Variants in ROBO2 observed in about 807,000 individuals in gnomAD.
ROBO2 encodes the protein roundabout homolog 2.
A neutral mutation model predicts 160.8 loss-of-function variants in ROBO2; 53 were observed. The ratio of observed to expected loss-of-function variants is 0.33; its 90% CI spans 0.26 to 0.41. The LOEUF (loss-of-function observed/expected upper bound fraction) is 0.41, where lower values mean the gene tolerates loss of function less well. ROBO2 is among the 10% of genes least tolerant of loss of function. The pLI is 1.00. For synonymous variants in ROBO2, 664 were observed against 611.7 expected (o/e 1.09, Z -1.26); for missense variants, 1,577 against 1,722.4 (o/e 0.92, Z 1.49).
intron 2 of ROBO2, among the ~76,000 whole-genome samples, chr3:76,771,893 C>T (rs1003187533): frequency 1.3e-5 from 2 of 151,204 alleles, no homozygotes; most frequent in Non-Finnish European, 3.0e-5. Flanking sequence ...GTATAAACTA[C>T]TGAGTACCAA....
chr3:76,544,558 C>G (rs2082992348), intron 2 of ROBO2, among the ~76,000 whole-genome samples: 1 of 151,848 alleles, frequency 6.6e-6, no homozygotes, highest in African/African-American at 2.4e-5. Flanking sequence ...TTATACATAC[C>G]AAATTATGAC....
chr3:76,158,037 C>T (rs2072475325), intron 2 of ROBO2, among the ~76,000 whole-genome samples: 1 of 152,130 alleles, frequency 6.6e-6, no homozygotes, highest in Non-Finnish European at 1.5e-5. Context: ...AAATATGTTA[C>T]TGGTCTCAGG....
At chr3:77,292,928 T>C (rs1351718618) in intron 2 of ROBO2, among the ~76,000 whole-genome samples, 2 of 144,908 alleles carry the variant, frequency 1.4e-5, no homozygotes, top group African/African-American at 5.2e-5. Flanking sequence ...AGACATAAAG[T>C]AAAATTGACG....
chr3:76,444,029 A>T (rs139907249), intron 2 of ROBO2, among the ~76,000 whole-genome samples: 1 of 152,028 alleles, frequency 6.6e-6, no homozygotes, highest in Non-Finnish European at 1.5e-5. Context: ...GCAGTGGCAC[A>T]ATCTTGGCTC....
chr3:77,225,994 T>C (rs2086453737), intron 2 of ROBO2, among the ~76,000 whole-genome samples: 1 of 152,028 alleles, frequency 6.6e-6, no homozygotes, highest in African/African-American at 2.4e-5. Flanking sequence ...TGTAAGCATA[T>C]GATATTACAC....
chr3:77,367,117 T>C (rs2071016636), intron 2 of ROBO2, among the ~76,000 whole-genome samples: 1 of 152,186 alleles, frequency 6.6e-6, no homozygotes, highest in Non-Finnish European at 1.5e-5. Flanking sequence ...TTTTGTGTCA[T>C]AATCCTGCTG....
chr3:77,030,256 G>T (rs6778244), intron 2 of ROBO2, among the ~76,000 whole-genome samples: 1 of 152,252 alleles, frequency 6.6e-6, no homozygotes, highest in African/African-American at 2.4e-5. Context: ...AGTACCATTC[G>T]GTTCTGAACT....
At chr3:77,523,721 T>C (rs1045267193) in intron 6 of ROBO2, among the ~76,000 whole-genome samples, 10 of 151,208 alleles carry the variant, frequency 6.6e-5, no homozygotes, top group African/African-American at 2.4e-4. Context: ...ACATTAGCCA[T>C]GGCATCATCT....
chr3:76,362,827 C>T (rs1343225214), intron 2 of ROBO2, among the ~76,000 whole-genome samples: 1 of 152,000 alleles, frequency 6.6e-6, no homozygotes, highest in East Asian at 1.9e-4. Context: ...CAACCACCGC[C>T]AAACTTCCTC....
intron 2 of ROBO2, among the ~76,000 whole-genome samples, chr3:76,137,672 C>G (rs1232251200): frequency 6.6e-6 from 1 of 151,426 alleles, no homozygotes; most frequent in African/African-American, 2.4e-5. Context: ...CAGAGTTGCT[C>G]TTCTTTCTGG....
At chr3:76,546,955 T>G (rs2083141001) in intron 2 of ROBO2, among the ~76,000 whole-genome samples, 1 of 151,944 alleles carries the variant, frequency 6.6e-6, no homozygotes, top group African/African-American at 2.4e-5. Flanking sequence ...GATTCACAGT[T>G]TTGAAAATTA....
At chr3:76,126,246 A>G (rs368426957) in intron 2 of ROBO2, among the ~76,000 whole-genome samples, 9 of 152,300 alleles carry the variant, frequency 5.9e-5, no homozygotes, top group Middle Eastern at 6.8e-3. Context: ...CATTAATTTG[A>G]GAGGAGTGTC....
upstream of ROBO2, among the ~76,000 whole-genome samples, chr3:77,038,440 T>A (rs1035168657): frequency 7.2e-5 from 11 of 152,184 alleles, no homozygotes; most frequent in South Asian, 2.1e-4. Context: ...GACCTTTTTT[T>A]AAAAGAACAC....
At chr3:76,913,920 A>G (rs2076151073) in intron 2 of ROBO2, among the ~76,000 whole-genome samples, 1 of 151,202 alleles carries the variant, frequency 6.6e-6, no homozygotes, top group African/African-American at 2.4e-5. Flanking sequence ...ATACTCCTTT[A>G]GAGGAGTAAC....
intron 2 of ROBO2, among the ~76,000 whole-genome samples, chr3:76,019,528 A>G (rs145432446): frequency 0.012 from 1,805 of 151,906 alleles, 29 homozygotes; most frequent in African/African-American, 0.041. Context: ...GCCTCCCCAC[A>G]TGGTTCAGTT....
intron 2 of ROBO2, among the ~76,000 whole-genome samples, chr3:76,418,780 G>A (rs1297012092): frequency 4.6e-5 from 7 of 150,886 alleles, no homozygotes; most frequent in African/African-American, 7.3e-5. Context: ...GTCACATTTG[G>A]TTGAAAATAT....
At chr3:76,223,337 C>T (rs1273255890) in intron 2 of ROBO2, among the ~76,000 whole-genome samples, 1 of 151,646 alleles carries the variant, frequency 6.6e-6, no homozygotes. Flanking sequence ...GGGGTTAACC[C>T]CCTCAGATAG....
At chr3:77,177,024 T>TA (rs55852321) in intron 2 of ROBO2, among the ~76,000 whole-genome samples, 57,127 of 151,544 alleles carry the variant, frequency 0.38, 11,459 homozygotes, top group Middle Eastern at 0.54. Context: ...GTTTTTGACT[T>TA]AAAAAAATGG....
At chr3:76,113,006 C>T (rs940341079) in intron 2 of ROBO2, among the ~76,000 whole-genome samples, 1 of 151,986 alleles carries the variant, frequency 6.6e-6, no homozygotes, top group Non-Finnish European at 1.5e-5. Flanking sequence ...CAGCATGAAT[C>T]GGTTGACACA....
Sources: allele counts gnomAD v4.1 joint callset (sites outside exome capture counted in the v4.1 genomes callset), GRCh38; gene constraint gnomAD v4.1.1; transcripts MANE v1.5; gene names NCBI Gene and HGNC (gene_info 2026-07-23, HGNC 2026-07-21).